Variants in TMEM232 observed in about 807,000 individuals in gnomAD.
TMEM232 encodes transmembrane protein 232.
In TMEM232, 80 loss-of-function variants were observed where a neutral mutation model predicts 78.8. That is an observed-to-expected ratio of 1.01 (90% confidence interval 0.85 to 1.22). The LOEUF (loss-of-function observed/expected upper bound fraction) is 1.22. Ranked by LOEUF, TMEM232 falls within the 50% of genes most tolerant of loss-of-function variation. The pLI is 0.00. For synonymous variants in TMEM232, 297 were observed against 254.3 expected, an observed-to-expected ratio of 1.17 and a Z score of -1.60; for missense variants, 881 against 742.2, an observed-to-expected ratio of 1.19 and a Z score of -2.17.
chr5:110,738,547 T>C (rs1435227519), upstream of TMEM232, among the ~76,000 whole-genome samples: 1 of 152,026 alleles, frequency 6.6e-6, no homozygotes, highest in Non-Finnish European at 1.5e-5. Flanking sequence ...TATCTCTCAA[T>C]AGATTTGATC....
intron 10 of TMEM232, among the ~76,000 whole-genome samples, chr5:110,585,408 A>G (rs949340552): frequency 6.6e-6 from 1 of 152,138 alleles, no homozygotes; most frequent in Non-Finnish European, 1.5e-5. Flanking sequence ...TCTCACCTCT[A>G]TGGTTAATAA....
intron 8 of TMEM232, 85 bp from the exon 9 acceptor site, chr5:110,606,372 G>A: frequency 7.5e-7 from 1 of 1,333,710 alleles, no homozygotes; most frequent in Non-Finnish European, 1.0e-6. Context: ...AATGAAATAG[G>A]TCAGAGGAAA....
In TMEM232 at chr5:110,396,449, C is replaced by T. The variant is rs74613037; in HGVS notation, n.390+1324G>A. ...TACTGAATATTCTCTTTAGTTGCTGCAGTAAATCCTAACTGTAAACTGTAT... is the reference window on the plus strand; with the variant it reads ...TACTGAATATTCTCTTTAGTTGCTGTAGTAAATCCTAACTGTAAACTGTAT... On this transcript the variant is annotated intron_variant and non_coding_transcript_variant, in intron 3 of 8. Transcript: ENST00000507188. 2.7e-3 allele frequency among the ~76,000 whole-genome samples: 406 copies of T among 152,244 alleles called. 1 individual carries two copies. The highest frequency in any genetic ancestry group is 3.4e-3 in the Middle Eastern group (1 of 294).
At chr5:110,573,841 A>G (rs1404642392) in intron 10 of TMEM232, among the ~76,000 whole-genome samples, 1 of 152,082 alleles carries the variant, frequency 6.6e-6, no homozygotes, top group African/African-American at 2.4e-5. Flanking sequence ...AACCTAGAAT[A>G]GCTTGCTAGT....
At chr5:110,455,369 G>A (rs1401439945) in intron 12 of TMEM232, among the ~76,000 whole-genome samples, 1 of 151,586 alleles carries the variant, frequency 6.6e-6, no homozygotes, top group Non-Finnish European at 1.5e-5. Context: ...TCTCATGAAA[G>A]TAGATATAAA....
intron 1 of TMEM232, among the ~76,000 whole-genome samples, chr5:110,681,911 T>A (rs1369303497): frequency 6.6e-6 from 1 of 152,188 alleles, no homozygotes; most frequent in Admixed American, 6.5e-5. Flanking sequence ...TTGTGAATTG[T>A]ACAAAAAGGA....
At position 110,420,492 on chromosome 5, in the gene TMEM232, CTT is replaced by C. The variant is rs1756518833; in HGVS notation, c.*86_*87del. 1 of 814,662 alleles carries C rather than the reference CTT, an allele frequency of 1.2e-6. No homozygotes were observed. The highest frequency in any genetic ancestry group is 1.7e-6 in the Non-Finnish European group (1 of 573,514). 50.5% of individuals were successfully genotyped at this position (814,662 alleles called of 1,614,324 possible). A position where few individuals can be genotyped will look rare whatever the true frequency, so the allele number is the denominator to read the frequency against. Reference sequence around the variant, plus strand: ...CTCCATTTAATGACAAGAAAGTTCTCTTACTATGTAGCTATCTTGGTATTTTT... The same window carrying C: ...CTCCATTTAATGACAAGAAAGTTCTCACTATGTAGCTATCTTGGTATTTTT... On this transcript the variant is annotated 3_prime_UTR_variant, in exon 14 of 14. Transcript: ENST00000455884.
intron 12 of TMEM232, among the ~76,000 whole-genome samples, chr5:110,523,550 C>G (rs1211184810): frequency 6.6e-6 from 1 of 151,986 alleles, no homozygotes; most frequent in Non-Finnish European, 1.5e-5. Flanking sequence ...TTTGCTCCAT[C>G]CATAAGTTTT....
At chr5:110,540,390 T>A (rs1476885338) in intron 11 of TMEM232, among the ~76,000 whole-genome samples, 2 of 152,102 alleles carry the variant, frequency 1.3e-5, no homozygotes. Context: ...AAAGGATACC[T>A]CTAGATGATG....
intron 1 of TMEM232, among the ~76,000 whole-genome samples, chr5:110,695,721 C>T (rs540391232): frequency 2.6e-5 from 4 of 152,168 alleles, no homozygotes; most frequent in South Asian, 2.1e-4. Flanking sequence ...ATAAATTCCT[C>T]GACACATACA....
Position 110,554,163 on chromosome 5 carries a change from G to C in TMEM232, c.1455+14284C>G, listed in dbSNP as rs944555401. Among the ~76,000 whole-genome samples the C allele has an allele frequency of 2.0e-5, 3 of 152,124 alleles. 1 individual carries two copies. The highest frequency in any genetic ancestry group is 7.2e-5 in the African/African-American group (3 of 41,432). ...GTGTTGCCAAAGGAGATTAACATTTGAGTCAGTGGGCTGAGAAAGGCAGAC... is the reference window on the plus strand; with the variant it reads ...GTGTTGCCAAAGGAGATTAACATTTCAGTCAGTGGGCTGAGAAAGGCAGAC... On this transcript the variant is annotated intron_variant, in intron 11 of 13. Coordinates refer to ENST00000455884, the MANE Select transcript of TMEM232 (RefSeq NM_001039763.4).
intron 10 of TMEM232, among the ~76,000 whole-genome samples, chr5:110,593,095 A>G (rs1023767723): frequency 6.6e-6 from 1 of 152,198 alleles, no homozygotes; most frequent in African/African-American, 2.4e-5. Flanking sequence ...ATGACCAAGA[A>G]TGACTATATT....
intron 10 of TMEM232, among the ~76,000 whole-genome samples, chr5:110,587,691 A>ATATATATATGTGTG (rs1209205049): frequency 6.3e-5 from 4 of 63,122 alleles, no homozygotes; most frequent in African/African-American, 1.4e-4. Context: ...ATATATATAT[A>ATATATATATGTGTG]TGTGTGTGTG....
At chr5:110,498,692 C>G (rs781495287) in intron 12 of TMEM232, among the ~76,000 whole-genome samples, 1 of 152,070 alleles carries the variant, frequency 6.6e-6, no homozygotes, top group South Asian at 2.1e-4. Context: ...ATGGCTAATA[C>G]TCAAGGGGAA....
chr5:110,489,146 T>C (rs780398255), intron 12 of TMEM232, among the ~76,000 whole-genome samples: 1 of 151,976 alleles, frequency 6.6e-6, no homozygotes, highest in African/African-American at 2.4e-5. Flanking sequence ...TTAACATCAT[T>C]CTTTCATAAA....
At chr5:110,669,038 A>G (rs979456502) in intron 1 of TMEM232, among the ~76,000 whole-genome samples, 2 of 152,224 alleles carry the variant, frequency 1.3e-5, no homozygotes, top group Non-Finnish European at 1.5e-5. Flanking sequence ...AAAGATCTAC[A>G]ATTGAAACCC....
chr5:110,516,257 A>T lies in TMEM232; in HGVS notation c.1703+12331T>A, dbSNP rs549728601. On this transcript the variant is annotated intron_variant, in intron 12 of 13. Transcript: ENST00000455884. ...CTGTCCCCCGCAGCCCAAAAAAAAA[A>T]TTTTTTTTGAACAAACTAAGCATGA... Among the ~76,000 whole-genome samples the T allele has an allele frequency of 1.3e-4, 19 of 151,984 alleles. No homozygotes were observed. The South Asian group carries it at 1.5e-3, about 12-fold the overall frequency.
At chr5:110,632,183 T>C (rs1785213763) in intron 5 of TMEM232, among the ~76,000 whole-genome samples, 2 of 152,116 alleles carry the variant, frequency 1.3e-5, no homozygotes, top group South Asian at 2.1e-4. Context: ...CACTATTGCA[T>C]GTACTCAGAA....
At position 110,420,740 on chromosome 5, in the gene TMEM232, T is replaced by G; in HGVS notation, c.1814A>C (p.Lys605Thr). ...TATTGCATCTTCTTTTTCTCGGATC[T>G]TTAGCTCTTCCTGCCACTGTTACAG... ...IIDHHWQEEL[K>T]IREKEDAICK... Residue 605 changes from lysine (K) to threonine (T), a missense_variant, in exon 14 of 14, where the codon AAG (lysine) becomes ACG (threonine). Physicochemically the swap from Lys to Thr is moderately conservative, Grantham distance 78 (BLOSUM62 -1). Coordinates refer to ENST00000455884, the MANE Select transcript of TMEM232 (RefSeq NM_001039763.4). 2.0e-6 allele frequency: 3 copies of G among 1,522,660 alleles called. No individual in the cohort carries two copies. The highest frequency in any genetic ancestry group is 2.6e-6 in the Non-Finnish European group (3 of 1,143,060). 94.3% of individuals were successfully genotyped at this position (1,522,660 alleles called of 1,614,324 possible). A position where few individuals can be genotyped will look rare whatever the true frequency, so the allele number is the denominator to read the frequency against.
Sources: gnomAD v4.1 joint callset for allele counts (sites outside exome capture counted in the v4.1 genomes callset) on GRCh38, gnomAD v4.1.1 for gene constraint, MANE v1.5 for transcripts, NCBI Gene and HGNC (gene_info 2026-07-23, HGNC 2026-07-21) for gene names.